The following KIF26B variants were observed in gnomAD, a reference collection of about 807,000 sequenced individuals.
KIF26B encodes the protein kinesin-like protein KIF26B.
In KIF26B, 63 loss-of-function variants were observed where a neutral mutation model predicts 151.2. The ratio of observed to expected loss-of-function variants is 0.42; its 90% CI spans 0.34 to 0.51. The LOEUF (loss-of-function observed/expected upper bound fraction) is 0.51, where lower values mean the gene tolerates loss of function less well. Among genes scored for constraint, KIF26B ranks in the 20% least tolerant of loss-of-function variants. KIF26B has a pLI of 0.07. For missense variants in KIF26B, 2,813 were observed against 2,913.6 expected, an observed-to-expected ratio of 0.97 and a Z score of 0.79; for synonymous variants, 1,357 against 1,262.1, an observed-to-expected ratio of 1.08 and a Z score of -1.59.
At chr1:245,443,944 G>C (rs1234881567) in intron 4 of KIF26B, among the ~76,000 whole-genome samples, 2 of 115,222 alleles carry the variant, frequency 1.7e-5, no homozygotes, top group Non-Finnish European at 3.6e-5. Context: ...TGTTCACCTA[G>C]AGCGGTCATC....
chr1:245,263,688 T>C lies in KIF26B; in HGVS notation c.466-103146T>C, dbSNP rs370941402. Among the ~76,000 whole-genome samples, 51 of 152,304 alleles carry C rather than the reference T, an allele frequency of 3.3e-4. No homozygotes were observed. In the South Asian group the frequency reaches 9.7e-3, roughly 29 times the overall value. On this transcript the variant is annotated intron_variant, in intron 2 of 14. Transcript: ENST00000407071. ...TAGACCCCTTGGGAGACATGGGACTTGCCAGACCCATTTCCCCAAAAAAGG... is the reference window on the plus strand; with the variant it reads ...TAGACCCCTTGGGAGACATGGGACTCGCCAGACCCATTTCCCCAAAAAAGG...
intron 5 of KIF26B, among the ~76,000 whole-genome samples, chr1:245,557,519 C>G (rs1317259360): frequency 6.6e-6 from 1 of 152,204 alleles, no homozygotes; most frequent in Non-Finnish European, 1.5e-5. Flanking sequence ...GCTCCAATAA[C>G]TGTGCTGGAG....
rs1363993415 is a variant in KIF26B at position 245,667,101 on chromosome 1, G to A, written c.2259-17132G>A. Reference sequence around the variant, plus strand: ...TCTAGGATGTGATGGGAGGCTGAAAGCATCTCTCTGCTGTGACGTAGGAGG... The same window carrying A: ...TCTAGGATGTGATGGGAGGCTGAAAACATCTCTCTGCTGTGACGTAGGAGG... On this transcript the variant is annotated intron_variant, in intron 10 of 14. Coordinates refer to ENST00000407071, the MANE Select transcript of KIF26B (RefSeq NM_018012.4). The surrounding 1 kb of genome is among the most constrained non-coding windows in gnomAD (Gnocchi z 4.3). Among the ~76,000 whole-genome samples, 3 of 150,406 alleles carry A rather than the reference G, an allele frequency of 2.0e-5. No homozygotes were observed. Among genetic ancestry groups the A allele is most frequent in the African/African-American group, 7.5e-5 (3 of 39,772 alleles).
chr1:245,554,802 A>G (rs1661980840), intron 5 of KIF26B, among the ~76,000 whole-genome samples: 1 of 152,214 alleles, frequency 6.6e-6, no homozygotes, highest in African/African-American at 2.4e-5. Flanking sequence ...GATGTGCTGC[A>G]TGCGGTTGCC....
At chr1:245,351,155 T>C (rs929294867) in intron 2 of KIF26B, among the ~76,000 whole-genome samples, 1 of 152,218 alleles carries the variant, frequency 6.6e-6, no homozygotes, top group African/African-American at 2.4e-5. Flanking sequence ...CGTTTCCCTG[T>C]CCGCATGGAG....
intron 2 of KIF26B, among the ~76,000 whole-genome samples, chr1:245,232,403 C>A (rs751037575): frequency 3.3e-5 from 5 of 152,174 alleles, no homozygotes; most frequent in Non-Finnish European, 5.9e-5. Flanking sequence ...GTAGTTCTTA[C>A]AAACATTAAA....
In KIF26B at chr1:245,210,765, C is replaced by A. The variant is rs547792410; in HGVS notation, c.465+54082C>A. On this transcript the variant is annotated intron_variant, in intron 2 of 14. Transcript: ENST00000407071. ...TGGGGAGATCAGCCAGTTCCAAGTG[C>A]AGGGACCAAGGACATTCCCAAGCCC... Among the ~76,000 whole-genome samples, 5 of 152,210 alleles carry A rather than the reference C, an allele frequency of 3.3e-5. No homozygotes were observed. In the South Asian group the frequency reaches 1.0e-3, roughly 32 times the overall value.
chr1:245,661,700 C>T lies in KIF26B; in HGVS notation c.2258+15420C>T, dbSNP rs1449720840. 3.3e-5 allele frequency among the ~76,000 whole-genome samples: 3 copies of T among 90,310 alleles called. No individual in the cohort carries two copies. In the East Asian group the frequency reaches 1.3e-3, roughly 40 times the overall value. The allele number at this position is 90,310 out of a possible 152,430, so 59.2% of individuals were successfully genotyped here. Reference sequence around the variant, plus strand: ...ATATATATATACACCCAATGTTATACATATATACACACACACCACCAATAT... The same window carrying T: ...ATATATATATACACCCAATGTTATATATATATACACACACACCACCAATAT... On this transcript the variant is annotated intron_variant, in intron 10 of 14. Coordinates refer to ENST00000407071, the MANE Select transcript of KIF26B (RefSeq NM_018012.4).
chr1:245,503,956 A>G (rs1280564334), intron 4 of KIF26B, among the ~76,000 whole-genome samples: 1 of 152,042 alleles, frequency 6.6e-6, no homozygotes, highest in Non-Finnish European at 1.5e-5. Flanking sequence ...TTCTCTCCTG[A>G]GTGTTCTGAT....
Position 245,352,294 on chromosome 1 carries a change from C to T in KIF26B, c.466-14540C>T, listed in dbSNP as rs534506658. 4.7e-4 allele frequency among the ~76,000 whole-genome samples: 71 copies of T among 152,304 alleles called. No individual in the cohort carries two copies. Among genetic ancestry groups the T allele is most frequent in the African/African-American group, 1.7e-3 (69 of 41,574 alleles). ...TGTGTTCCTTTTTGAGACAGAGTCTCATTCCTTCACTCAGACTGGAGGGCA... is the reference window on the plus strand; with the variant it reads ...TGTGTTCCTTTTTGAGACAGAGTCTTATTCCTTCACTCAGACTGGAGGGCA... On this transcript the variant is annotated intron_variant, in intron 2 of 14. Coordinates refer to ENST00000407071, the MANE Select transcript of KIF26B (RefSeq NM_018012.4). This position sits in a 1 kb window ranked among gnomAD's most constrained non-coding sequence, Gnocchi z 5.0.
chr1:245,234,138 C>T (rs752603793), intron 2 of KIF26B, among the ~76,000 whole-genome samples: 5 of 151,578 alleles, frequency 3.3e-5, no homozygotes, highest in African/African-American at 4.9e-5. Flanking sequence ...GAGCCAAGAT[C>T]GCGCCACTGC....
chr1:245,692,625 C>T (rs556046412), intron 12 of KIF26B, among the ~76,000 whole-genome samples: 3 of 151,990 alleles, frequency 2.0e-5, no homozygotes, highest in African/African-American at 7.2e-5. Context: ...CAGTCACACC[C>T]GGAACAAACA....
At chr1:245,264,577 TAAA>T in intron 2 of KIF26B, among the ~76,000 whole-genome samples, 1 of 145,790 alleles carries the variant, frequency 6.9e-6, no homozygotes, top group East Asian at 2.0e-4. Flanking sequence ...TTATTGTTCT[TAAA>T]AAAAAAACAA....
chr1:245,523,722 C>T (rs758832753), intron 4 of KIF26B, among the ~76,000 whole-genome samples: 2 of 152,122 alleles, frequency 1.3e-5, no homozygotes, highest in Non-Finnish European at 2.9e-5. Context: ...TCTAAATGCC[C>T]CATCTCCAAA....
chr1:245,334,655 G>C (rs1672185805), intron 2 of KIF26B, among the ~76,000 whole-genome samples: 1 of 152,210 alleles, frequency 6.6e-6, no homozygotes, highest in Admixed American at 6.5e-5. Context: ...AGGAGTATGG[G>C]TGCGGGGCAG....
intron 3 of KIF26B, chr1:245,371,319 T>G (rs1394113240): frequency 6.6e-6 from 1 of 152,226 alleles, no homozygotes; most frequent in Non-Finnish European, 1.5e-5. Context: ...CAGTACATAT[T>G]GTACAGTTCG....
intron 9 of KIF26B, among the ~76,000 whole-genome samples, chr1:245,639,119 T>C (rs1416260562): frequency 1.3e-5 from 2 of 151,938 alleles, no homozygotes. Flanking sequence ...TTCTCTTTGA[T>C]GGGAGACTTT....
At chr1:245,472,848 A>G (rs1277364557) in intron 4 of KIF26B, among the ~76,000 whole-genome samples, 1 of 152,188 alleles carries the variant, frequency 6.6e-6, no homozygotes, top group African/African-American at 2.4e-5. Flanking sequence ...TACTGAAATG[A>G]TCATTTATGT....
rs1436079579 is a variant in KIF26B, at chr1:245,597,263, G to T, written c.1351-5314G>T. Among the ~76,000 whole-genome samples the T allele has an allele frequency of 6.6e-6, 1 of 152,196 alleles. No homozygotes were observed. Among genetic ancestry groups the T allele is most frequent in the Non-Finnish European group, 1.5e-5 (1 of 68,046 alleles). On this transcript the variant is annotated intron_variant, in intron 5 of 14. Transcript: ENST00000407071. This position sits in a 1 kb window ranked among gnomAD's most constrained non-coding sequence, Gnocchi z 4.6. ...ATTTGGTATCTTTGTGCAGTGGGCT[G>T]GTACCAGTTGATCCTTTCCATGTTT... is the stretch of plus-strand genomic sequence containing the variant.
Sources: gnomAD v4.1 joint callset for allele counts (sites outside exome capture counted in the v4.1 genomes callset) on GRCh38, gnomAD v4.1.1 for gene constraint, Gnocchi (gnomAD v3.1) non-coding constraint, MANE v1.5 for transcripts, NCBI Gene and HGNC (gene_info 2026-07-23, HGNC 2026-07-21) for gene names.